Variants in HOXA3 observed in about 807,000 individuals in gnomAD.
HOXA3 encodes the protein homeobox protein Hox-A3.
HOXA3 carries 8 observed loss-of-function variants against 30.3 expected under a neutral mutation model. The ratio of observed to expected loss-of-function variants is 0.26; its 90% CI spans 0.15 to 0.48. The LOEUF is 0.48. Among genes scored for constraint, HOXA3 ranks in the 20% least tolerant of loss-of-function variants. The probability of loss-of-function intolerance (pLI) is 0.99; values close to 1 mark genes in which losing one functional copy is unlikely to be tolerated. For missense variants in HOXA3, 653 were observed against 614.4 expected, an observed-to-expected ratio of 1.06 and a Z score of -0.66; for synonymous variants, 323 against 273.1, an observed-to-expected ratio of 1.18 and a Z score of -1.80.
chr7:27,114,098 C>T (rs1332734882), intron 4 of HOXA3: 1 of 148,008 alleles, frequency 6.8e-6, no homozygotes, highest in Non-Finnish European at 1.5e-5. Context: ...TGGGGAAGCG[C>T]GGGCTGGTGT....
At chr7:27,129,340 G>C (rs1785416510) in intron 2 of HOXA3, 1 of 1,614,178 alleles carries the variant, frequency 6.2e-7, no homozygotes, top group Admixed American at 1.7e-5. Context: ...CGAATTGGAG[G>C]ATCGCATCTT....
rs1391007579 is a variant in HOXA3, at chr7:27,107,453, CCT to C, written c.*460_*461del. 5 of 152,638 alleles carry C rather than the reference CCT, an allele frequency of 3.3e-5. No individual in the cohort carries two copies. Among genetic ancestry groups the C allele is most frequent in the Non-Finnish European group, 5.8e-5 (4 of 68,474 alleles). 9.5% of individuals were successfully genotyped at this position (152,638 alleles called of 1,614,324 possible). The stretch of plus-strand genomic sequence containing the variant: ...CTTAGTCATCCTTGCACAGAGAGCC[CCT>C]GTTTCAAAGCGCCTTTGATTTTTTT... On this transcript the variant is annotated 3_prime_UTR_variant, in exon 6 of 6. Coordinates refer to ENST00000612286, the MANE Select transcript of HOXA3 (RefSeq NM_153631.3).
In HOXA3 at chr7:27,110,387, A is replaced by G; in HGVS notation, c.254T>C (p.Leu85Pro). ...LSAPPSQPPS[L>P]GEPPLHPPPP... ...CGGCGGGTGCAGGGGCGGCTCTCCC[A>G]GGCTTGGAGGCTGGCTAGGTGGGGC... The change falls in exon 5 of 6, where the codon CTG becomes CCG. Residue 85 changes from leucine (L) to proline (P), a missense_variant. Physicochemically the swap from Leu to Pro is moderately conservative, Grantham distance 98. This residue lies in a region of HOXA3 where 320 missense variants were observed against 321.9 expected (regional missense o/e 0.99). Coordinates refer to ENST00000612286, the MANE Select transcript of HOXA3 (RefSeq NM_153631.3). 1 of 1,523,128 alleles carries G rather than the reference A, an allele frequency of 6.6e-7. No individual in the cohort carries two copies. Among genetic ancestry groups the G allele is most frequent in the Non-Finnish European group, 8.8e-7 (1 of 1,139,186 alleles). 94.4% of individuals were successfully genotyped at this position (1,523,128 alleles called of 1,614,324 possible).
chr7:27,135,377 A>T (rs1034095772), intron 2 of HOXA3, among the ~76,000 whole-genome samples: 17 of 152,108 alleles, frequency 1.1e-4, no homozygotes, highest in African/African-American at 3.4e-4. Flanking sequence ...AATAAACATT[A>T]AAAAAATTTC....
In HOXA3 at chr7:27,108,055, A is replaced by G. The variant is rs1453199220; in HGVS notation, c.1192T>C (p.Tyr398His). Residue 398 changes from tyrosine to histidine, a missense_variant, in exon 6 of 6, where the codon TAT becomes CAT. Physicochemically the swap from Tyr to His is moderately conservative, Grantham distance 83. This residue lies in a region of HOXA3 where 330 missense variants were observed against 274.4 expected (regional missense o/e 1.20). Transcript: ENST00000612286. The surrounding 1 kb of genome is among the most constrained non-coding windows in gnomAD (Gnocchi z 5.0). ...CTGCCCAGCGGCCCGGCACCCCCAT[A>G]GTCCATGGCGCCCGAGGCAGCGTGG... ...LPHAASGAMD[Y>H]GGAGPLGSGH... The G allele has an allele frequency of 6.2e-7, 1 of 1,612,996 alleles. No individual in the cohort carries two copies. Among genetic ancestry groups the G allele is most frequent in the Non-Finnish European group, 8.5e-7 (1 of 1,179,284 alleles).
rs956440825 is a variant in HOXA3, at chr7:27,152,449, A to C, written c.-655T>G. The C allele has an allele frequency of 5.0e-5, 58 of 1,157,112 alleles. No individual in the cohort carries two copies. Among genetic ancestry groups the C allele is most frequent in the Admixed American group, 1.3e-4 (3 of 23,772 alleles). 71.7% of individuals were successfully genotyped at this position (1,157,112 alleles called of 1,614,324 possible). A position where few individuals can be genotyped will look rare whatever the true frequency, so the allele number is the denominator to read the frequency against. Reference sequence around the variant, plus strand: ...GCGGCGCCGGGAACGGAGCGCGCCCAATCTCCAGCGGGAGCCGCCAGGCCT... The same window carrying C: ...GCGGCGCCGGGAACGGAGCGCGCCCCATCTCCAGCGGGAGCCGCCAGGCCT... On this transcript the variant is annotated 5_prime_UTR_variant, in exon 1 of 6. In the 5' UTR this introduces an upstream ATG that the reference lacks. Transcript: ENST00000612286.
chr7:27,114,876 T>C (rs1379661123), intron 4 of HOXA3, among the ~76,000 whole-genome samples: 1 of 120,426 alleles, frequency 8.3e-6, no homozygotes, highest in African/African-American at 3.0e-5. Context: ...ATATATTATA[T>C]ATATGTATAT....
intron 3 of HOXA3, among the ~76,000 whole-genome samples, chr7:27,126,358 A>G (rs1324784702): frequency 6.6e-6 from 1 of 152,150 alleles, no homozygotes; most frequent in South Asian, 2.1e-4. Flanking sequence ...GAGTATGTGT[A>G]AGGCTCATTT....
At position 27,140,073 on chromosome 7, in the gene HOXA3, G is replaced by A. The variant is rs1468423942; in HGVS notation, c.-390+10C>T. The A allele has an allele frequency of 6.6e-6, 1 of 150,768 alleles. No homozygotes were observed. The highest frequency in any genetic ancestry group is 6.6e-5 in the Admixed American group (1 of 15,164). 9.3% of individuals were successfully genotyped at this position (150,768 alleles called of 1,614,324 possible). ...AAATAAACTTGAAAGCGCTCAGGAG[G>A]CGAGCTTACCTTAACTCGGAGGGAG... On this transcript the variant is annotated intron_variant, in intron 2 of 5. Coordinates refer to ENST00000612286, the MANE Select transcript of HOXA3 (RefSeq NM_153631.3).
intron 4 of HOXA3, among the ~76,000 whole-genome samples, chr7:27,110,987 A>T (rs1332360763): frequency 9.8e-6 from 1 of 102,158 alleles, no homozygotes; most frequent in African/African-American, 2.7e-5. Flanking sequence ...TCCGGGGAGA[A>T]GGAGAATGAG....
intron 1 of HOXA3, chr7:27,147,247 T>G (rs1782799199): frequency 7.0e-7 from 1 of 1,431,316 alleles, no homozygotes; most frequent in Admixed American, 1.9e-5. Flanking sequence ...GTTTCCTCCT[T>G]CTTTCTTTCT....
At chr7:27,142,209 C>G in intron 1 of HOXA3, 1 of 966,768 alleles carries the variant, frequency 1.0e-6, no homozygotes, top group East Asian at 2.6e-5. Context: ...CCTACCAGCC[C>G]GCACACCCCT....
intron 1 of HOXA3, among the ~76,000 whole-genome samples, chr7:27,144,260 A>G (rs1246314841): frequency 6.6e-6 from 1 of 152,178 alleles, no homozygotes; most frequent in Non-Finnish European, 1.5e-5. Context: ...GGGGAAAGCC[A>G]TTTAGCCAAT....
rs1449448734 is a variant in HOXA3, at chr7:27,108,812, C to G, written c.527-92G>C. 1.2e-5 allele frequency: 11 copies of G among 934,686 alleles called. No homozygotes were observed. Among genetic ancestry groups the G allele is most frequent in the Non-Finnish European group, 6.3e-6 (4 of 633,736 alleles). 57.9% of individuals were successfully genotyped at this position (934,686 alleles called of 1,614,324 possible). A position where few individuals can be genotyped will look rare whatever the true frequency, so the allele number is the denominator to read the frequency against. ...GCCCGGCCCCTCCTTCCACCAGGCC[C>G]CAAAGGTTCCTGCATCCGTCAGGTC... On this transcript the variant is annotated intron_variant, in intron 5 of 5. Transcript: ENST00000612286. The surrounding 1 kb of genome is among the most constrained non-coding windows in gnomAD (Gnocchi z 5.0).
rs1784360745 is a variant in HOXA3 at position 27,111,295 on chromosome 7, C to G, written c.-120-535G>C. Among the ~76,000 whole-genome samples the G allele has an allele frequency of 1.3e-5, 2 of 152,138 alleles. 1 individual carries two copies. The highest frequency in any genetic ancestry group is 1.3e-4 in the Admixed American group (2 of 15,276). On this transcript the variant is annotated intron_variant, in intron 4 of 5. Coordinates refer to ENST00000612286, the MANE Select transcript of HOXA3 (RefSeq NM_153631.3). The stretch of plus-strand genomic sequence containing the variant: ...ACTTCCCACCCAGCTCCTTCTTGGA[C>G]CTTCCTGCTCCCAAGAGAGGTTTGC...
In HOXA3 at chr7:27,113,175, C is replaced by A. The variant is rs1362109915; in HGVS notation, c.-120-2415G>T. Among the ~76,000 whole-genome samples the A allele has an allele frequency of 6.6e-6, 1 of 152,150 alleles. No individual in the cohort carries two copies. Among genetic ancestry groups the A allele is most frequent in the Non-Finnish European group, 1.5e-5 (1 of 68,038 alleles). On this transcript the variant is annotated intron_variant, in intron 4 of 5. Transcript: ENST00000612286. The surrounding 1 kb of genome is among the most constrained non-coding windows in gnomAD (Gnocchi z 4.8). ...TCCTCCACAAAGATCTGTTTCTGGA[C>A]AATAATCCCCAGGTGCAAGAGCCGA...
intron 4 of HOXA3, among the ~76,000 whole-genome samples, chr7:27,121,589 C>T (rs1315155075): frequency 6.6e-6 from 1 of 152,180 alleles, no homozygotes; most frequent in East Asian, 1.9e-4. Flanking sequence ...AGCCTTATAG[C>T]ACGACTGAAT....
At chr7:27,120,522 G>A (rs1318422938) in intron 4 of HOXA3, among the ~76,000 whole-genome samples, 5 of 129,040 alleles carry the variant, frequency 3.9e-5, no homozygotes, top group Non-Finnish European at 6.3e-5. Flanking sequence ...GCCTGGGACA[G>A]AGCGCGACTC....
Position 27,113,808 on chromosome 7 carries a change from C to T in HOXA3, c.-120-3048G>A, listed in dbSNP as rs904253967. ...TCACCGCCGCGCAGAGCGTGGCCGC[C>T]TCGCTGCTCCAGCACGGCTCGCCCA... On this transcript the variant is annotated intron_variant, in intron 4 of 5. Coordinates refer to ENST00000612286, the MANE Select transcript of HOXA3 (RefSeq NM_153631.3). This position sits in a 1 kb window ranked among gnomAD's most constrained non-coding sequence, Gnocchi z 4.8. 3 of 152,116 alleles carry T rather than the reference C, an allele frequency of 2.0e-5. No homozygotes were observed. Among genetic ancestry groups the T allele is most frequent in the African/African-American group, 7.2e-5 (3 of 41,416 alleles). The allele number at this position is 152,116 out of a possible 1,614,324, so 9.4% of individuals were successfully genotyped here. A position where few individuals can be genotyped will look rare whatever the true frequency, so the allele number is the denominator to read the frequency against.
Sources: gnomAD v4.1 joint callset for allele counts (sites outside exome capture counted in the v4.1 genomes callset) on GRCh38, gnomAD v4.1.1 for gene constraint, gnomAD v4.1.1 regional missense constraint, Gnocchi (gnomAD v3.1) non-coding constraint, MANE v1.5 for transcripts, NCBI Gene and HGNC (gene_info 2026-07-23, HGNC 2026-07-21) for gene names.